The following STRBP variants were observed in gnomAD, a reference collection of about 807,000 sequenced individuals.
STRBP encodes the protein spermatid perinuclear RNA binding protein.
A neutral mutation model predicts 80.1 loss-of-function variants in STRBP; 13 were observed. That is an observed-to-expected ratio of 0.16 (90% confidence interval 0.11 to 0.26). STRBP has a LOEUF of 0.26. Ranked by LOEUF, STRBP falls within the 10% of genes least tolerant of loss-of-function variation. The pLI is 1.00. For missense variants in STRBP, 485 were observed against 815.2 expected (o/e 0.59, Z 4.93); for synonymous variants, 284 against 291.2 (o/e 0.98, Z 0.25).
At chr9:123,207,154 A>G (rs1480511003) in intron 2 of STRBP, among the ~76,000 whole-genome samples, 1 of 152,328 alleles carries the variant, frequency 6.6e-6, no homozygotes, top group East Asian at 1.9e-4. Flanking sequence ...AGATGCGGAT[A>G]CCCTATAAGC....
At chr9:123,139,494 A>G (rs777868891) in intron 14 of STRBP, 35 bp downstream of exon 14, 1 of 1,512,176 alleles carries the variant, frequency 6.6e-7, no homozygotes, top group Non-Finnish European at 8.8e-7. Flanking sequence ...ATGCACATAT[A>G]TGTTATTTTT....
intron 2 of STRBP, among the ~76,000 whole-genome samples, chr9:123,198,688 A>G (rs1326396256): frequency 2.0e-5 from 3 of 152,094 alleles, no homozygotes; most frequent in Non-Finnish European, 4.4e-5. Context: ...TGTCTAGAAG[A>G]ATTTTTCCAA....
At chr9:123,220,320 T>C (rs1347783521) in intron 2 of STRBP, among the ~76,000 whole-genome samples, 1 of 152,248 alleles carries the variant, frequency 6.6e-6, no homozygotes, top group Non-Finnish European at 1.5e-5. Context: ...TGGCCTTCTA[T>C]ACACCTAGGT....
intron 1 of STRBP, among the ~76,000 whole-genome samples, chr9:123,251,634 T>C (rs2040919911): frequency 6.6e-6 from 1 of 152,208 alleles, no homozygotes; most frequent in African/African-American, 2.4e-5. Flanking sequence ...CAAAGTCCCC[T>C]CCATAGCTAA....
intron 11 of STRBP, among the ~76,000 whole-genome samples, chr9:123,153,744 C>G (rs538185690): frequency 6.6e-6 from 1 of 152,248 alleles, no homozygotes; most frequent in South Asian, 2.1e-4. Context: ...ATATTTTGGT[C>G]TGAGTTCAAG....
intron 2 of STRBP, chr9:123,116,182 T>C: frequency 2.2e-6 from 1 of 444,472 alleles, no homozygotes; most frequent in East Asian, 7.0e-5. Flanking sequence ...CAACACCAGA[T>C]TGCTCTGGAA....
At chr9:123,189,426 C>T (rs553769345) in intron 2 of STRBP, among the ~76,000 whole-genome samples, 6 of 149,364 alleles carry the variant, frequency 4.0e-5, no homozygotes, top group Admixed American at 6.7e-5. Flanking sequence ...CTAACCTGCA[C>T]GTTGTGCACA....
chr9:123,124,231 T>C lies in STRBP; in HGVS notation c.*1366A>G. On this transcript the variant is annotated 3_prime_UTR_variant, in exon 19 of 19. Coordinates refer to ENST00000348403, the MANE Select transcript of STRBP (RefSeq NM_018387.5). ...CTGAATAGGGAAAATGAAAGCTAAT[T>C]CATACTAAAAACAGACATTTTTAAG... The C allele has an allele frequency of 1.0e-6, 1 of 985,380 alleles. No homozygotes were observed. The highest frequency in any genetic ancestry group is 1.2e-6 in the Non-Finnish European group (1 of 829,928). The allele number at this position is 985,380 out of a possible 1,614,324, so 61.0% of individuals were successfully genotyped here. A position where few individuals can be genotyped will look rare whatever the true frequency, so the allele number is the denominator to read the frequency against.
Position 123,110,067 on chromosome 9 carries a change from GCCT to G in STRBP, c.*85-317_*85-315del, listed in dbSNP as rs1284562696. 1 of 152,276 alleles carries G rather than the reference GCCT, an allele frequency of 6.6e-6. No individual in the cohort carries two copies. Among genetic ancestry groups the G allele is most frequent in the Non-Finnish European group, 1.5e-5 (1 of 68,134 alleles). The allele number at this position is 152,276 out of a possible 1,614,324, so 9.4% of individuals were successfully genotyped here. On this transcript the variant is annotated intron_variant and NMD_transcript_variant, in intron 3 of 3. Transcript: ENST00000471564. This position sits in a 1 kb window ranked among gnomAD's most constrained non-coding sequence, Gnocchi z 4.1. ...AGGTTTCTATCCACGACTACGCTCA[GCCT>G]CCTCCTGCCTCCCCCACCCTTGGGC...
chr9:123,190,247 T>G (rs2132482434), intron 2 of STRBP, among the ~76,000 whole-genome samples: 1 of 147,776 alleles, frequency 6.8e-6, no homozygotes, highest in South Asian at 2.1e-4. Context: ...GCCACTGCAC[T>G]CCACCCTGGG....
intron 1 of STRBP, among the ~76,000 whole-genome samples, chr9:123,240,502 TCTC>T (rs2040671331): frequency 6.6e-6 from 1 of 152,220 alleles, no homozygotes; most frequent in Non-Finnish European, 1.5e-5. Context: ...CTATTATTTG[TCTC>T]CTCTTATCTT....
intron 2 of STRBP, among the ~76,000 whole-genome samples, chr9:123,230,319 T>C (rs1314321304): frequency 6.6e-6 from 1 of 152,230 alleles, no homozygotes; most frequent in Non-Finnish European, 1.5e-5. Flanking sequence ...TGTATTCTTA[T>C]AATTATCACG....
intron 13 of STRBP, among the ~76,000 whole-genome samples, chr9:123,141,107 C>CAA (rs2036573714): frequency 1.3e-5 from 2 of 152,162 alleles, no homozygotes; most frequent in Non-Finnish European, 2.9e-5. Context: ...AACAACTGTA[C>CAA]ATAATAGGTG....
rs531708979 is a variant in STRBP at position 123,125,366 on chromosome 9, A to G, written c.*231T>C. Reference sequence around the variant, plus strand: ...TCCCTAGAACAGAAGGGCTGGTATAAGTTATTTTCCAGAAATGAGGTACCG... The same window carrying G: ...TCCCTAGAACAGAAGGGCTGGTATAGGTTATTTTCCAGAAATGAGGTACCG... On this transcript the variant is annotated 3_prime_UTR_variant, in exon 19 of 19. Transcript: ENST00000348403. The G allele has an allele frequency of 8.3e-7, 1 of 1,211,104 alleles. No homozygotes were observed. Among genetic ancestry groups the G allele is most frequent in the African/African-American group, 1.6e-5 (1 of 63,638 alleles). 75.0% of individuals were successfully genotyped at this position (1,211,104 alleles called of 1,614,324 possible).
intron 2 of STRBP, among the ~76,000 whole-genome samples, chr9:123,213,102 A>G: frequency 6.6e-6 from 1 of 152,158 alleles, no homozygotes; most frequent in East Asian, 1.9e-4. Flanking sequence ...TCACCCACCT[A>G]TGTGCTCCCA....
chr9:123,115,247 G>A lies in STRBP; in HGVS notation c.*84+682C>T, dbSNP rs1162475120. On this transcript the variant is annotated intron_variant and NMD_transcript_variant, in intron 3 of 3. Coordinates refer to the STRBP transcript ENST00000471564. The surrounding 1 kb of genome is among the most constrained non-coding windows in gnomAD (Gnocchi z 5.0). ...GGCCCGCCTCTGACTCCCCTCCTGGGGATCCCGTCTGGCTCAGTGGGAAGC... is the reference window on the plus strand; with the variant it reads ...GGCCCGCCTCTGACTCCCCTCCTGGAGATCCCGTCTGGCTCAGTGGGAAGC... 2.1e-6 allele frequency: 1 copy of A among 471,196 alleles called. No individual in the cohort carries two copies. The highest frequency in any genetic ancestry group is 2.3e-5 in the Admixed American group (1 of 42,600). 29.2% of individuals were successfully genotyped at this position (471,196 alleles called of 1,614,324 possible).
chr9:123,198,907 G>A (rs1399695030), intron 2 of STRBP, among the ~76,000 whole-genome samples: 2 of 152,070 alleles, frequency 1.3e-5, no homozygotes, highest in African/African-American at 4.8e-5. Context: ...TACATATTTG[G>A]CTTATTTCTG....
chr9:123,189,316 G>C (rs1408209298), intron 2 of STRBP, among the ~76,000 whole-genome samples: 2 of 123,534 alleles, frequency 1.6e-5, no homozygotes, highest in Non-Finnish European at 3.4e-5. Flanking sequence ...TTGTGGGGTG[G>C]GGGGAGGGTG....
intron 2 of STRBP, among the ~76,000 whole-genome samples, chr9:123,200,014 G>A (rs746710128): frequency 1.8e-4 from 28 of 152,040 alleles, no homozygotes; most frequent in Non-Finnish European, 3.4e-4. Context: ...AGTCATAGAC[G>A]GCTTTTATTA....
Sources: gnomAD v4.1 joint callset for allele counts (sites outside exome capture counted in the v4.1 genomes callset) on GRCh38, gnomAD v4.1.1 for gene constraint, Gnocchi (gnomAD v3.1) non-coding constraint, MANE v1.5 for transcripts, NCBI Gene and HGNC (gene_info 2026-07-23, HGNC 2026-07-21) for gene names.